RTN4: variants seen among roughly 807,000 people sequenced by gnomAD.
The protein encoded by RTN4 is reticulon 4.
RTN4 carries 32 observed loss-of-function variants against 90.4 expected under a neutral mutation model. The ratio of observed to expected loss-of-function variants is 0.35; its 90% CI spans 0.27 to 0.48. RTN4 has a LOEUF of 0.48. RTN4 is among the 20% of genes least tolerant of loss of function. RTN4 has a pLI of 0.99. For synonymous variants in RTN4, 629 were observed against 552.5 expected (o/e 1.14, Z -1.94); for missense variants, 1,706 against 1,430.2 (o/e 1.19, Z -3.11).
intron 1 of RTN4, among the ~76,000 whole-genome samples, chr2:55,108,837 A>C (rs2105065041): frequency 6.6e-6 from 1 of 152,236 alleles, no homozygotes; most frequent in Middle Eastern, 3.4e-3. Context: ...AATCCCAAAA[A>C]ATAGTAAGAC....
intron 4 of RTN4, among the ~76,000 whole-genome samples, chr2:54,985,132 TTGA>T (rs1558765629): frequency 6.7e-6 from 1 of 150,000 alleles, no homozygotes; most frequent in Non-Finnish European, 1.5e-5. Context: ...GATTTGTGGC[TTGA>T]TAATAATATG....
rs1677095190 is a variant in RTN4, at chr2:54,972,301, AAT to A, written c.*853_*854del. Reference sequence around the variant, plus strand: ...TGGTATAAATCTTCATTTTGTAATTAATAATTTCTTGCATAACAATGTTTGAT... The same window carrying A: ...TGGTATAAATCTTCATTTTGTAATTAAATTTCTTGCATAACAATGTTTGAT... On this transcript the variant is annotated 3_prime_UTR_variant, in exon 9 of 9. Transcript: ENST00000337526. The A allele has an allele frequency of 6.6e-6, 1 of 152,654 alleles. No homozygotes were observed. The highest frequency in any genetic ancestry group is 6.5e-5 in the Admixed American group (1 of 15,280). The allele number at this position is 152,654 out of a possible 1,614,324, so 9.5% of individuals were successfully genotyped here. A position where few individuals can be genotyped will look rare whatever the true frequency, so the allele number is the denominator to read the frequency against.
chr2:55,092,724 T>A (rs1668962197), intron 1 of RTN4, among the ~76,000 whole-genome samples: 2 of 152,234 alleles, frequency 1.3e-5, no homozygotes, highest in South Asian at 4.1e-4. Flanking sequence ...AACTCCTTCC[T>A]GTAAGCCAGG....
At chr2:55,049,699 G>A in intron 1 of RTN4, 46 bp downstream of exon 1, 1 of 1,430,816 alleles carries the variant, frequency 7.0e-7, no homozygotes, top group Non-Finnish European at 9.2e-7. Flanking sequence ...CACAAAAGAG[G>A]GAGGGGCGCG....
At chr2:55,077,695 C>CA (rs905007047) in intron 2 of RTN4, among the ~76,000 whole-genome samples, 9 of 149,524 alleles carry the variant, frequency 6.0e-5, no homozygotes, top group Admixed American at 3.3e-4. Flanking sequence ...TTCGCAAATG[C>CA]AAAAAAATGG....
intron 2 of RTN4, among the ~76,000 whole-genome samples, chr2:55,061,909 A>G (rs1223934213): frequency 1.3e-5 from 2 of 152,152 alleles, no homozygotes; most frequent in African/African-American, 4.8e-5. Flanking sequence ...TCCTGTGCCT[A>G]TAAAAACCCG....
chr2:55,019,361 G>A (rs1024769632), intron 3 of RTN4, among the ~76,000 whole-genome samples: 1 of 152,144 alleles, frequency 6.6e-6, no homozygotes, highest in Non-Finnish European at 1.5e-5. Flanking sequence ...TTTTGATAGG[G>A]AGCAGGATAT....
chr2:55,014,950 T>C (rs991216777), intron 3 of RTN4, among the ~76,000 whole-genome samples: 5 of 152,190 alleles, frequency 3.3e-5, no homozygotes, highest in Non-Finnish European at 7.4e-5. Flanking sequence ...ATAATGTTTA[T>C]AGTAGTATGA....
chr2:54,974,037 G>A, intron 6 of RTN4, 170 bp from the exon 7 acceptor site: 1 of 576,124 alleles, frequency 1.7e-6, no homozygotes, highest in South Asian at 2.1e-5. Flanking sequence ...CCACTCCAGA[G>A]GAATGAATGA....
chr2:55,009,389 C>T (rs910593916), intron 3 of RTN4, among the ~76,000 whole-genome samples: 2 of 152,060 alleles, frequency 1.3e-5, no homozygotes, highest in Non-Finnish European at 2.9e-5. Flanking sequence ...CAACATTTTA[C>T]CATTTACAGG....
At chr2:55,033,396 C>G (rs775837727) in intron 1 of RTN4, among the ~76,000 whole-genome samples, 47 of 152,216 alleles carry the variant, frequency 3.1e-4, no homozygotes, top group Non-Finnish European at 6.3e-4. Flanking sequence ...TACCTGCTCA[C>G]TAAATTTGTA....
chr2:55,131,062 T>C, the RTN4 span, among the ~76,000 whole-genome samples: 2 of 152,194 alleles, frequency 1.3e-5, no homozygotes, highest in African/African-American at 4.8e-5. Flanking sequence ...ATGATACTTT[T>C]AACAAGTTTT....
In RTN4 at chr2:54,972,908, GAT is replaced by G. The variant is rs1677217595; in HGVS notation, c.*246_*247del. The G allele has an allele frequency of 2.7e-6, 1 of 366,274 alleles. No homozygotes were observed. Among genetic ancestry groups the G allele is most frequent in the East Asian group, 4.0e-5 (1 of 25,082 alleles). The allele number at this position is 366,274 out of a possible 1,614,324, so 22.7% of individuals were successfully genotyped here. ...TTTTATTCCACCAGTGCCTCAGATA[GAT>G]AGGAAAAAGATATGATTACGGTTTA... On this transcript the variant is annotated 3_prime_UTR_variant, in exon 9 of 9. Coordinates refer to ENST00000337526, the MANE Select transcript of RTN4 (RefSeq NM_020532.5).
chr2:55,000,908 T>C (rs891981651), intron 3 of RTN4, among the ~76,000 whole-genome samples: 3 of 152,096 alleles, frequency 2.0e-5, no homozygotes, highest in African/African-American at 7.2e-5. Context: ...GATTCAATAA[T>C]AGGAATAAAC....
rs1297391685 is a variant in RTN4 at position 55,011,761 on chromosome 2, G to T, written c.3013+13325C>A. 2.0e-5 allele frequency among the ~76,000 whole-genome samples: 3 copies of T among 152,284 alleles called. No individual in the cohort carries two copies. The Middle Eastern group carries it at 0.01, about 518-fold the overall frequency. On this transcript the variant is annotated intron_variant, in intron 3 of 8. Transcript: ENST00000337526. Reference sequence around the variant, plus strand: ...AATTAGGAAAATGAGAGGGGAAAAAGGAAGTGGCTTGAATATCAATGACAC... The same window carrying T: ...AATTAGGAAAATGAGAGGGGAAAAATGAAGTGGCTTGAATATCAATGACAC...
At chr2:54,982,838 G>A (rs2104647221) in intron 4 of RTN4, among the ~76,000 whole-genome samples, 185 bp from the exon 5 acceptor site, 1 of 152,304 alleles carries the variant, frequency 6.6e-6, no homozygotes, top group South Asian at 2.1e-4. Flanking sequence ...ACTGTCTGCT[G>A]ACTAGCACAG....
At chr2:54,978,300 G>C (rs1286524110) in intron 5 of RTN4, among the ~76,000 whole-genome samples, 2 of 151,886 alleles carry the variant, frequency 1.3e-5, no homozygotes, top group Non-Finnish European at 2.9e-5. Context: ...CGTGGTGGCG[G>C]ACACCTGTAG....
At chr2:55,092,446 C>T (rs1347284221) in intron 1 of RTN4, among the ~76,000 whole-genome samples, 2 of 152,036 alleles carry the variant, frequency 1.3e-5, no homozygotes, top group Non-Finnish European at 2.9e-5. Context: ...TGTTGTCAGC[C>T]TGGTCTCAAA....
At chr2:55,122,218 A>T in the RTN4 span, among the ~76,000 whole-genome samples, 1 of 152,128 alleles carries the variant, frequency 6.6e-6, no homozygotes, top group African/African-American at 2.4e-5. Context: ...GACTCAAGCA[A>T]TCCACCTGCC....
Sources: allele counts gnomAD v4.1 joint callset (sites outside exome capture counted in the v4.1 genomes callset), GRCh38; gene constraint gnomAD v4.1.1; transcripts MANE v1.5; gene names NCBI Gene and HGNC (gene_info 2026-07-23, HGNC 2026-07-21).